The following LINGO2 variants were observed in gnomAD, a reference collection of about 807,000 sequenced individuals.
LINGO2 encodes the protein leucine rich repeat and Ig domain containing 2, also known as leucine-rich repeat and immunoglobulin-like domain-containing nogo receptor-interacting protein 2.
In LINGO2, 14 loss-of-function variants were observed where a neutral mutation model predicts 30.6. That is an observed-to-expected ratio of 0.46 (90% CI 0.30 to 0.72). The LOEUF (loss-of-function observed/expected upper bound fraction) is 0.72. Among genes scored for constraint, LINGO2 ranks in the 30% least tolerant of loss-of-function variants. The pLI is 0.07. For missense variants in LINGO2, 729 were observed against 751.7 expected (o/e 0.97, Z 0.35); for synonymous variants, 317 against 288.5 (o/e 1.10, Z -1.00).
chr9:28,094,842 A>G (rs1172378894), intron 4 of LINGO2, among the ~76,000 whole-genome samples: 1 of 152,166 alleles, frequency 6.6e-6, no homozygotes, highest in Non-Finnish European at 1.5e-5. Context: ...CTTAAAAGAT[A>G]GTAATAGCAA....
chr9:28,505,117 C>A (rs755267069), intron 1 of LINGO2, among the ~76,000 whole-genome samples: 1 of 151,868 alleles, frequency 6.6e-6, no homozygotes, highest in Admixed American at 6.6e-5. Context: ...CAGTAAGTTA[C>A]TACATTGGTT....
At chr9:27,947,404 T>C (rs2118232666), downstream of LINGO2, among the ~76,000 whole-genome samples, 1 of 152,234 alleles carries the variant, frequency 6.6e-6, no homozygotes, top group South Asian at 2.1e-4. Context: ...TCAGCACAAC[T>C]TGACATATTT....
the LINGO2 span, among the ~76,000 whole-genome samples, chr9:28,913,046 T>G: frequency 6.6e-6 from 1 of 152,146 alleles, no homozygotes; most frequent in Non-Finnish European, 1.5e-5. Context: ...CATTATATTT[T>G]GAGGTATTTC....
the LINGO2 span, among the ~76,000 whole-genome samples, chr9:28,901,469 T>C: frequency 1.3e-5 from 2 of 151,670 alleles, no homozygotes; most frequent in Non-Finnish European, 2.9e-5. Flanking sequence ...AATATGAAGG[T>C]CAAAAGACAA....
intron 1 of LINGO2, among the ~76,000 whole-genome samples, chr9:28,600,323 C>T (rs1015057537): frequency 2.0e-5 from 3 of 152,006 alleles, no homozygotes; most frequent in African/African-American, 7.2e-5. Flanking sequence ...TTGACTCCAC[C>T]ATTACAACAT....
the LINGO2 span, among the ~76,000 whole-genome samples, chr9:28,827,973 A>G: frequency 2.6e-5 from 4 of 152,062 alleles, no homozygotes; most frequent in Non-Finnish European, 5.9e-5. Context: ...ATATTGGTAT[A>G]TATGTTATAT....
the LINGO2 span, among the ~76,000 whole-genome samples, chr9:28,696,406 A>T: frequency 1.3e-5 from 2 of 151,932 alleles, no homozygotes; most frequent in African/African-American, 4.8e-5. Context: ...AAGCAAATTT[A>T]CTAATGTGGA....
the LINGO2 span, among the ~76,000 whole-genome samples, chr9:29,025,176 A>T: frequency 6.6e-6 from 1 of 152,078 alleles, no homozygotes; most frequent in Non-Finnish European, 1.5e-5. Flanking sequence ...AAAAAAAACA[A>T]GGAATAAGTT....
intron 1 of LINGO2, among the ~76,000 whole-genome samples, chr9:28,601,547 G>C (rs996739904): frequency 5.0e-5 from 6 of 119,196 alleles, no homozygotes; most frequent in African/African-American, 2.2e-4. Context: ...CAATCAGAGT[G>C]TGTGGCAATT....
At chr9:27,961,366 G>A (rs938907397) in intron 5 of LINGO2, among the ~76,000 whole-genome samples, 16 of 152,164 alleles carry the variant, frequency 1.1e-4, no homozygotes, top group African/African-American at 3.9e-4. Flanking sequence ...CTCTGCAACA[G>A]CATATTTCCA....
the LINGO2 span, among the ~76,000 whole-genome samples, chr9:29,107,447 G>C: frequency 6.6e-6 from 1 of 152,022 alleles, no homozygotes; most frequent in Non-Finnish European, 1.5e-5. Context: ...AGTCACCTTG[G>C]AATGCATCTC....
the LINGO2 span, among the ~76,000 whole-genome samples, chr9:28,779,632 C>T: frequency 2.0e-5 from 3 of 152,152 alleles, no homozygotes; most frequent in African/African-American, 7.2e-5. Context: ...TGTACAATAT[C>T]ACCTGTCAAA....
At chr9:28,109,881 GA>G (rs144332231) in intron 4 of LINGO2, among the ~76,000 whole-genome samples, 10 of 150,836 alleles carry the variant, frequency 6.6e-5, no homozygotes, top group Non-Finnish European at 1.2e-4. Context: ...CACAGCATTA[GA>G]AAAAAAAACT....
chr9:29,154,024 A>C, the LINGO2 span, among the ~76,000 whole-genome samples: 2 of 152,198 alleles, frequency 1.3e-5, no homozygotes, highest in Admixed American at 6.5e-5. Flanking sequence ...AGAGCCCATG[A>C]CAAACAAGAG....
At chr9:28,006,535 C>T (rs1196385330) in intron 5 of LINGO2, among the ~76,000 whole-genome samples, 7 of 152,060 alleles carry the variant, frequency 4.6e-5, no homozygotes, top group Non-Finnish European at 7.4e-5. Context: ...AGCTCAACTC[C>T]AGGGACACAG....
chr9:28,820,472 C>G, the LINGO2 span, among the ~76,000 whole-genome samples: 1 of 152,090 alleles, frequency 6.6e-6, no homozygotes, highest in Non-Finnish European at 1.5e-5. Context: ...TCATGTAATC[C>G]CATACATTGA....
At chr9:28,472,328 T>A (rs111829989) in intron 2 of LINGO2, among the ~76,000 whole-genome samples, 3,228 of 152,180 alleles carry the variant, frequency 0.021, 104 homozygotes, top group East Asian at 0.098. Context: ...AAGTTTTTTT[T>A]TTTTTAATAT....
chr9:29,028,971 G>T, the LINGO2 span, among the ~76,000 whole-genome samples: 1 of 152,158 alleles, frequency 6.6e-6, no homozygotes, highest in Admixed American at 6.6e-5. Context: ...TTGCTACACA[G>T]TAATAGCTGT....
At chr9:29,149,751 G>A in the LINGO2 span, among the ~76,000 whole-genome samples, 2 of 152,154 alleles carry the variant, frequency 1.3e-5, no homozygotes, top group Non-Finnish European at 2.9e-5. Context: ...GCCCAAAGGG[G>A]TTTGATACAT....
Sources: allele counts gnomAD v4.1 joint callset (sites outside exome capture counted in the v4.1 genomes callset), GRCh38; gene constraint gnomAD v4.1.1; transcripts MANE v1.5; gene names NCBI Gene and HGNC (gene_info 2026-07-23, HGNC 2026-07-21).